ESF1: variants seen among roughly 807,000 people sequenced by gnomAD.
ESF1 encodes the protein ESF1 nucleolar pre-rRNA processing protein, also known as ESF1 homolog.
In ESF1, 58 loss-of-function variants were observed where a neutral mutation model predicts 92.0. The ratio of observed to expected loss-of-function variants is 0.63; its 90% CI spans 0.51 to 0.78. ESF1 has a LOEUF of 0.78. Among genes scored for constraint, ESF1 ranks in the 30% least tolerant of loss-of-function variants. ESF1 has a pLI of 0.00. For synonymous variants in ESF1, 321 were observed against 313.7 expected, an observed-to-expected ratio of 1.02 and a Z score of -0.24; for missense variants, 922 against 989.1, an observed-to-expected ratio of 0.93 and a Z score of 0.91.
chr20:13,726,330 T>C lies in ESF1; in HGVS notation c.2038+2048A>G, dbSNP rs563305164. ...CCACTGAGTCTCCAGCCTGTCCTCA[T>C]ACCAATTCCCTCTCCGACAATGCTC... On this transcript the variant is annotated intron_variant, in intron 11 of 13. Coordinates refer to ENST00000617257, the MANE Select transcript of ESF1 (RefSeq NM_001276380.2). Among the ~76,000 whole-genome samples the C allele has an allele frequency of 5.3e-5, 8 of 152,286 alleles. No individual in the cohort carries two copies. In the South Asian group the frequency reaches 1.7e-3, roughly 32 times the overall value.
At chr20:13,781,475 G>C (rs1222680870) in intron 2 of ESF1, among the ~76,000 whole-genome samples, 1 of 152,086 alleles carries the variant, frequency 6.6e-6, no homozygotes, top group Non-Finnish European at 1.5e-5. Context: ...TGTTGCTTTA[G>C]ACAGGGGCCA....
At chr20:13,755,940 G>A (rs1219734080) in intron 9 of ESF1, among the ~76,000 whole-genome samples, 2 of 152,150 alleles carry the variant, frequency 1.3e-5, no homozygotes, top group Non-Finnish European at 2.9e-5. Context: ...TTTTCCTGAA[G>A]AGGTTAATAT....
At chr20:13,741,538 T>C (rs2050013750) in intron 9 of ESF1, among the ~76,000 whole-genome samples, 1 of 152,234 alleles carries the variant, frequency 6.6e-6, no homozygotes, top group East Asian at 1.9e-4. Context: ...ACATGTCACA[T>C]TACTAGAGGA....
intron 2 of ESF1, among the ~76,000 whole-genome samples, chr20:13,778,980 C>T (rs575462659): frequency 7.2e-5 from 11 of 152,076 alleles, no homozygotes; most frequent in South Asian, 4.2e-4. Flanking sequence ...CAGGAAGTTG[C>T]GGCTGCAGTG....
chr20:13,714,894 T>C lies in ESF1; in HGVS notation c.2536A>G (p.Lys846Glu). Residue 846 changes from lysine to glutamate, a missense_variant, in exon 14 of 14, where the codon AAA (lysine) becomes GAA (glutamate). Physicochemically the swap from Lys to Glu is moderately conservative, Grantham distance 56 (BLOSUM62 1). Transcript: ENST00000617257. ...TCCAGTTATTTGACTTTTTGCTTTT[T>C]TCTTGCTTGAAACTGCTCTGTTTTG... Reference protein sequence around the residue: ...KTKTEQFQARKKQKVK With the variant: ...KTKTEQFQAREKQKVK 6.3e-7 allele frequency: 1 copy of C among 1,597,754 alleles called. No homozygotes were observed. The highest frequency in any genetic ancestry group is 8.5e-7 in the Non-Finnish European group (1 of 1,173,978).
chr20:13,717,267 C>T (rs1178722046), intron 13 of ESF1, 101 bp downstream of exon 13: 37 of 1,431,684 alleles, frequency 2.6e-5, no homozygotes, highest in Non-Finnish European at 3.3e-5. Context: ...GCCCCTAAGA[C>T]ATTTTCAAGG....
chr20:13,715,526 T>C (rs909311429), intron 13 of ESF1, among the ~76,000 whole-genome samples: 1 of 152,156 alleles, frequency 6.6e-6, no homozygotes, highest in African/African-American at 2.4e-5. Flanking sequence ...ACAAAATCAA[T>C]TTCTTACCAG....
intron 9 of ESF1, among the ~76,000 whole-genome samples, chr20:13,755,325 T>C (rs1157648822): frequency 6.6e-6 from 1 of 152,198 alleles, no homozygotes; most frequent in Admixed American, 6.6e-5. Flanking sequence ...AAACATGCCA[T>C]TATTTATTTC....
chr20:13,755,656 A>G (rs975595197), intron 9 of ESF1, among the ~76,000 whole-genome samples: 2 of 152,150 alleles, frequency 1.3e-5, no homozygotes, highest in Non-Finnish European at 2.9e-5. Flanking sequence ...ATAATTCAAC[A>G]TTTTTACTTA....
intron 10 of ESF1, among the ~76,000 whole-genome samples, chr20:13,728,739 T>C (rs1298475938): frequency 6.6e-6 from 1 of 151,538 alleles, no homozygotes; most frequent in Non-Finnish European, 1.5e-5. Flanking sequence ...TGGTGGTGCA[T>C]GCCTGTAGTC....
At position 13,767,463 on chromosome 20, in the gene ESF1, G is replaced by C. The variant is rs1979483304; in HGVS notation, c.1519-539C>G. The stretch of plus-strand genomic sequence containing the variant: ...GAGGCCTGTAATCCCAGCTACTCAG[G>C]AGGCAGAGGTTGCTGAGATCATGCC... On this transcript the variant is annotated intron_variant, in intron 7 of 13. Transcript: ENST00000617257. Among the ~76,000 whole-genome samples, 5 of 151,568 alleles carry C rather than the reference G, an allele frequency of 3.3e-5. No homozygotes were observed. In the South Asian group the frequency reaches 8.3e-4, roughly 25 times the overall value.
rs1487053333 is a variant in ESF1 at position 13,770,950 on chromosome 20, T to A, written c.1403+381A>T. Among the ~76,000 whole-genome samples, 6 of 152,342 alleles carry A rather than the reference T, an allele frequency of 3.9e-5. No individual in the cohort carries two copies. The East Asian group carries it at 1.2e-3, about 29-fold the overall frequency. On this transcript the variant is annotated intron_variant, in intron 6 of 13. Transcript: ENST00000617257. ...CAAATATGACTAGTGGCTACTATAC[T>A]GGATAGCATGGATCTAGAGATAACA...
intron 13 of ESF1, among the ~76,000 whole-genome samples, chr20:13,716,554 A>C (rs1018540176): frequency 6.6e-6 from 1 of 151,510 alleles, no homozygotes; most frequent in African/African-American, 2.4e-5. Context: ...GATTTCATCC[A>C]CCCTAGGATG....
intron 2 of ESF1, 92 bp from the exon 3 acceptor site, chr20:13,776,362 T>C: frequency 1.6e-6 from 2 of 1,218,262 alleles, no homozygotes; most frequent in Non-Finnish European, 1.1e-6. Context: ...CCAGTAAAAA[T>C]ATAATTTCTA....
intron 9 of ESF1, among the ~76,000 whole-genome samples, chr20:13,748,586 ATATATATTT>A (rs200406491): frequency 0.15 from 13,158 of 85,730 alleles, 1,331 homozygotes; most frequent in East Asian, 0.53. Context: ...ATATATATAT[ATATATATTT>A]TTTTTTTTTT....
intron 9 of ESF1, among the ~76,000 whole-genome samples, chr20:13,739,501 T>C (rs865959232): frequency 6.6e-6 from 1 of 152,204 alleles, no homozygotes; most frequent in South Asian, 2.1e-4. Flanking sequence ...GTAATCACAA[T>C]GTACACAATA....
At chr20:13,766,665 G>T in intron 8 of ESF1, 112 bp downstream of exon 8, 2 of 968,094 alleles carry the variant, frequency 2.1e-6, no homozygotes, top group Non-Finnish European at 3.0e-6. Flanking sequence ...CTATCTACAG[G>T]TATATATAAT....
At chr20:13,732,369 T>C (rs915703011) in intron 10 of ESF1, among the ~76,000 whole-genome samples, 2 of 152,300 alleles carry the variant, frequency 1.3e-5, no homozygotes, top group South Asian at 2.1e-4. Flanking sequence ...AAACACCCAA[T>C]TTCTCCATTT....
chr20:13,784,869 T>C lies in ESF1; in HGVS notation c.-44+11A>G. On this transcript the variant is annotated intron_variant, in intron 1 of 13. Coordinates refer to ENST00000617257, the MANE Select transcript of ESF1 (RefSeq NM_001276380.2). ...TCTCGAGCTCTTCAACTCCAGTCCA[T>C]CCCCACTCACCGTCCGCAGTCCTAC... 5.0e-6 allele frequency: 3 copies of C among 602,566 alleles called. No homozygotes were observed. The highest frequency in any genetic ancestry group is 8.8e-6 in the Non-Finnish European group (3 of 339,764). 37.3% of individuals were successfully genotyped at this position (602,566 alleles called of 1,614,324 possible). A position where few individuals can be genotyped will look rare whatever the true frequency, so the allele number is the denominator to read the frequency against.
Sources: allele counts gnomAD v4.1 joint callset (sites outside exome capture counted in the v4.1 genomes callset), GRCh38; gene constraint gnomAD v4.1.1; transcripts MANE v1.5; gene names NCBI Gene and HGNC (gene_info 2026-07-23, HGNC 2026-07-21).